Variants in CHN2 observed in about 807,000 individuals in gnomAD.
The protein encoded by CHN2 is beta-chimaerin.
Under a neutral mutation model 56.3 loss-of-function variants are expected in CHN2, and 35 were observed. The ratio of observed to expected loss-of-function variants is 0.62; its 90% CI spans 0.47 to 0.82. The LOEUF (loss-of-function observed/expected upper bound fraction) is 0.82. Ranked by LOEUF, CHN2 falls within the 40% of genes least tolerant of loss-of-function variation. CHN2 has a pLI of 0.00. For missense variants in CHN2, 491 were observed against 580.5 expected, an observed-to-expected ratio of 0.85 and a Z score of 1.58; for synonymous variants, 210 against 212.8, an observed-to-expected ratio of 0.99 and a Z score of 0.12.
chr7:29,509,538 T>G (rs1791025154), intron 12 of CHN2, 132 bp downstream of exon 12: 2 of 654,978 alleles, frequency 3.1e-6, no homozygotes, highest in African/African-American at 1.8e-5. Flanking sequence ...CCAGGCACTT[T>G]CAGTGTATCA....
At chr7:29,158,226 A>C (rs10272841) in intron 2 of CHN2, among the ~76,000 whole-genome samples, 2,696 of 152,334 alleles carry the variant, frequency 0.018, 84 homozygotes, top group African/African-American at 0.061. Context: ...ATCAAGGACT[A>C]TCTTCCTTCA....
chr7:29,443,747 AGAGAGAGATGGCAGGGGGGT>A (rs1207322922), intron 6 of CHN2, among the ~76,000 whole-genome samples: 1 of 151,650 alleles, frequency 6.6e-6, no homozygotes, highest in Non-Finnish European at 1.5e-5. Context: ...GGAGGGGGTG[AGAGAGAGATGGCAGGGGGGT>A]GAGAGAGATG....
At chr7:29,339,623 C>T (rs1277834061) in intron 1 of CHN2, among the ~76,000 whole-genome samples, 1 of 152,094 alleles carries the variant, frequency 6.6e-6, no homozygotes, top group African/African-American at 2.4e-5. Context: ...GAGGCTGAGG[C>T]GGGTGGATCA....
intron 1 of CHN2, among the ~76,000 whole-genome samples, chr7:29,234,651 CTTG>C (rs775907375): frequency 6.6e-6 from 1 of 152,134 alleles, no homozygotes; most frequent in Non-Finnish European, 1.5e-5. Flanking sequence ...ATCTGTACCC[CTTG>C]TTGTTCAGTC....
At chr7:29,486,181 A>C (rs1263632492) in intron 7 of CHN2, among the ~76,000 whole-genome samples, 2 of 151,694 alleles carry the variant, frequency 1.3e-5, no homozygotes, top group African/African-American at 4.8e-5. Flanking sequence ...TGGAGTGGGG[A>C]TTTTTGTCTG....
chr7:29,489,351 C>T (rs1487990318), intron 7 of CHN2, among the ~76,000 whole-genome samples: 1 of 152,140 alleles, frequency 6.6e-6, no homozygotes, highest in Non-Finnish European at 1.5e-5. Flanking sequence ...TTAGTTACTG[C>T]CCTCAAGTTT....
chr7:29,447,775 A>G (rs3909208), intron 6 of CHN2, among the ~76,000 whole-genome samples: 33,232 of 152,142 alleles, frequency 0.22, 5,593 homozygotes, highest in African/African-American at 0.46. Context: ...GATATGAGTG[A>G]CAAGTGAAAA....
rs372632295 is a variant in CHN2 at position 29,410,021 on chromosome 7, C to T, written c.576+9193C>T. Among the ~76,000 whole-genome samples, 6 of 152,308 alleles carry T rather than the reference C, an allele frequency of 3.9e-5. No homozygotes were observed. In the South Asian group the frequency reaches 8.3e-4, roughly 21 times the overall value. ...ACCCACCAAGCGCCTGCCCTGAGCA[C>T]GACCTCAGAGCTCTTCCCAGTGGCT... On this transcript the variant is annotated intron_variant, in intron 6 of 12. Coordinates refer to ENST00000222792, the MANE Select transcript of CHN2 (RefSeq NM_004067.4).
At chr7:29,212,576 G>A in intron 1 of CHN2, 2 of 1,436,564 alleles carry the variant, frequency 1.4e-6, no homozygotes, top group Non-Finnish European at 2.0e-6. Context: ...CGAGGTCCCA[G>A]TCAAGAAACA....
At chr7:29,195,302 G>T in intron 1 of CHN2, 1 of 340,636 alleles carries the variant, frequency 2.9e-6, no homozygotes, top group Non-Finnish European at 5.3e-6. Context: ...TTCTGGCGCA[G>T]CTGGAGCGGG....
At chr7:29,246,145 C>A (rs1788057926) in intron 1 of CHN2, among the ~76,000 whole-genome samples, 1 of 152,148 alleles carries the variant, frequency 6.6e-6, no homozygotes, top group Non-Finnish European at 1.5e-5. Context: ...TAGTGTAAAG[C>A]AACTTTCCCC....
At chr7:29,211,332 C>A (rs1241338593) in intron 1 of CHN2, among the ~76,000 whole-genome samples, 1 of 151,968 alleles carries the variant, frequency 6.6e-6, no homozygotes, top group African/African-American at 2.4e-5. Context: ...CCTGCCTCAG[C>A]CTCCCAAAGT....
At chr7:29,324,779 A>G (rs1795677935) in intron 1 of CHN2, among the ~76,000 whole-genome samples, 1 of 152,188 alleles carries the variant, frequency 6.6e-6, no homozygotes, top group Non-Finnish European at 1.5e-5. Context: ...TTCTAGAAAG[A>G]GTAAAGGGTT....
chr7:29,412,733 C>A (rs756577010), intron 6 of CHN2, among the ~76,000 whole-genome samples: 105 of 152,124 alleles, frequency 6.9e-4, no homozygotes, highest in Admixed American at 1.4e-3. Flanking sequence ...CCTTTTGCAG[C>A]ATTGGATGTG....
chr7:29,291,915 C>G lies in CHN2; in HGVS notation c.50-62710C>G, dbSNP rs147495619. ...GGGAAAGAGCAGGAAGGACTTTTGC[C>G]CTTTACTCTCGGAAGTTTTGTTTGT... On this transcript the variant is annotated intron_variant, in intron 1 of 12. Transcript: ENST00000222792. Among the ~76,000 whole-genome samples, 5 of 152,012 alleles carry G rather than the reference C, an allele frequency of 3.3e-5. No homozygotes were observed. The East Asian group carries it at 9.7e-4, about 29-fold the overall frequency.
chr7:29,214,456 G>A (rs1485905755), intron 1 of CHN2, among the ~76,000 whole-genome samples: 1 of 152,118 alleles, frequency 6.6e-6, no homozygotes, highest in Non-Finnish European at 1.5e-5. Context: ...TGCCTTTGTG[G>A]ATCAGTATTG....
chr7:29,256,797 T>A (rs1789113119), intron 1 of CHN2, among the ~76,000 whole-genome samples: 1 of 152,030 alleles, frequency 6.6e-6, no homozygotes, highest in Non-Finnish European at 1.5e-5. Context: ...TCTATAGTAT[T>A]TGAGGAGGAA....
intron 6 of CHN2, among the ~76,000 whole-genome samples, chr7:29,405,458 C>T (rs1319479711): frequency 6.6e-6 from 1 of 152,108 alleles, no homozygotes; most frequent in Non-Finnish European, 1.5e-5. Context: ...CTGGCATTGC[C>T]TCCCCTGACA....
intron 6 of CHN2, among the ~76,000 whole-genome samples, chr7:29,456,620 C>CCCACCA (rs1554296781): frequency 8.0e-5 from 11 of 137,482 alleles, no homozygotes; most frequent in East Asian, 2.8e-4. Flanking sequence ...CCCCCTCCCC[C>CCCACCA]CCACCACCAC....
Sources: allele counts gnomAD v4.1 joint callset (sites outside exome capture counted in the v4.1 genomes callset), GRCh38; gene constraint gnomAD v4.1.1; transcripts MANE v1.5; gene names NCBI Gene and HGNC (gene_info 2026-07-23, HGNC 2026-07-21).